Variants in GALNT13 observed in about 807,000 individuals in gnomAD.
GALNT13 encodes the protein polypeptide N-acetylgalactosaminyltransferase 13.
Under a neutral mutation model 64.2 loss-of-function variants are expected in GALNT13, and 28 were observed. The ratio of observed to expected loss-of-function variants is 0.44; its 90% CI spans 0.32 to 0.60. The LOEUF is 0.60. Among genes scored for constraint, GALNT13 ranks in the 20% least tolerant of loss-of-function variants. GALNT13 has a pLI of 0.05. For missense variants in GALNT13, 577 were observed against 669.8 expected (o/e 0.86, Z 1.53); for synonymous variants, 214 against 224.6 (o/e 0.95, Z 0.42).
chr2:153,511,919 C>T, the GALNT13 span, among the ~76,000 whole-genome samples: 1 of 152,004 alleles, frequency 6.6e-6, no homozygotes, highest in African/African-American at 2.4e-5. Flanking sequence ...AGTCTGGAGT[C>T]CAGTGTCTGG....
the GALNT13 span, among the ~76,000 whole-genome samples, chr2:153,686,114 T>G: frequency 2.0e-4 from 30 of 152,210 alleles, no homozygotes; most frequent in African/African-American, 6.7e-4. Context: ...TAGGATTTCC[T>G]TGGCTGTTCG....
chr2:153,455,858 T>A, the GALNT13 span, among the ~76,000 whole-genome samples: 1 of 152,050 alleles, frequency 6.6e-6, no homozygotes, highest in African/African-American at 2.4e-5. Flanking sequence ...ATAAAAAAAA[T>A]GAGGTAGCAC....
chr2:153,732,929 A>G, the GALNT13 span, among the ~76,000 whole-genome samples: 1 of 152,138 alleles, frequency 6.6e-6, no homozygotes, highest in South Asian at 2.1e-4. Flanking sequence ...AAGACAGAGA[A>G]GAACCGCTTA....
intron 3 of GALNT13, among the ~76,000 whole-genome samples, chr2:154,094,262 G>A (rs1701965816): frequency 6.6e-6 from 1 of 151,870 alleles, no homozygotes; most frequent in Non-Finnish European, 1.5e-5. Context: ...AATGAGTAAA[G>A]CAATAGGTGC....
At chr2:153,411,807 T>G in the GALNT13 span, among the ~76,000 whole-genome samples, 4 of 152,290 alleles carry the variant, frequency 2.6e-5, no homozygotes, top group Admixed American at 2.6e-4. Flanking sequence ...AAAATTTTGC[T>G]ATAAAGAATT....
At chr2:153,187,954 C>T in the GALNT13 span, among the ~76,000 whole-genome samples, 1 of 151,868 alleles carries the variant, frequency 6.6e-6, no homozygotes, top group African/African-American at 2.4e-5. Flanking sequence ...TGTAATTTAC[C>T]ACATTAATAC....
At chr2:153,693,915 C>A in the GALNT13 span, among the ~76,000 whole-genome samples, 1 of 151,990 alleles carries the variant, frequency 6.6e-6, no homozygotes, top group Non-Finnish European at 1.5e-5. Context: ...GAGATCAAGA[C>A]CATCCTGGTG....
intron 8 of GALNT13, chr2:154,287,117 T>C (rs894181922): frequency 1.7e-6 from 2 of 1,204,322 alleles, no homozygotes; most frequent in East Asian, 2.3e-5. Context: ...TGGCATGTCC[T>C]TGACACATCT....
the GALNT13 span, among the ~76,000 whole-genome samples, chr2:153,670,269 G>C: frequency 5.9e-5 from 9 of 152,250 alleles, no homozygotes; most frequent in Non-Finnish European, 1.2e-4. Flanking sequence ...TGTGTAGCCT[G>C]GCTGGGAGAC....
intron 2 of GALNT13, among the ~76,000 whole-genome samples, chr2:153,923,454 G>T (rs569691865): frequency 6.6e-6 from 1 of 151,968 alleles, no homozygotes; most frequent in Non-Finnish European, 1.5e-5. Context: ...ACTCTACCTT[G>T]CTTACTTTTA....
chr2:153,910,608 G>T (rs906489029), intron 2 of GALNT13, among the ~76,000 whole-genome samples: 1 of 152,220 alleles, frequency 6.6e-6, no homozygotes, highest in Non-Finnish European at 1.5e-5. Flanking sequence ...CGCCTTATCT[G>T]TGTCCCAGAG....
At chr2:154,259,447 T>C (rs1382265385) in intron 8 of GALNT13, among the ~76,000 whole-genome samples, 1 of 152,226 alleles carries the variant, frequency 6.6e-6, no homozygotes, top group African/African-American at 2.4e-5. Context: ...CTCTATAAAA[T>C]CACTTTGTGT....
At chr2:153,873,209 G>A (rs569268346) in intron 1 of GALNT13, among the ~76,000 whole-genome samples, 1 of 152,154 alleles carries the variant, frequency 6.6e-6, no homozygotes, top group Non-Finnish European at 1.5e-5. Context: ...TGCGGGGTCA[G>A]TGGGGACGCG....
chr2:153,703,212 A>G, the GALNT13 span, among the ~76,000 whole-genome samples: 1 of 152,154 alleles, frequency 6.6e-6, no homozygotes. Context: ...TTCTCCATAC[A>G]CATTTAATCT....
chr2:153,342,678 C>T, the GALNT13 span, among the ~76,000 whole-genome samples: 97 of 152,284 alleles, frequency 6.4e-4, 1 homozygote, highest in African/African-American at 2.3e-3. Flanking sequence ...CCAATTTTCT[C>T]CCTCCTCTTC....
chr2:153,648,511 G>A, the GALNT13 span, among the ~76,000 whole-genome samples: 1 of 152,086 alleles, frequency 6.6e-6, no homozygotes. Context: ...TGTTGAATAG[G>A]AGTGGTGAGA....
At chr2:153,722,571 A>T in the GALNT13 span, among the ~76,000 whole-genome samples, 1 of 134,474 alleles carries the variant, frequency 7.4e-6, no homozygotes, top group Non-Finnish European at 1.7e-5. Flanking sequence ...CAAGACTAAT[A>T]AAGAAAAAAA....
the GALNT13 span, among the ~76,000 whole-genome samples, chr2:153,563,455 G>A: frequency 1.3e-5 from 2 of 152,008 alleles, no homozygotes; most frequent in African/African-American, 2.4e-5. Context: ...TTTATATGAG[G>A]TTTGGTCACA....
At chr2:153,879,353 C>A (rs1349385185) in intron 1 of GALNT13, among the ~76,000 whole-genome samples, 1 of 114,634 alleles carries the variant, frequency 8.7e-6, no homozygotes, top group African/African-American at 3.4e-5. Flanking sequence ...ATTAAAACTA[C>A]CTACGTGTGT....
Sources: allele counts gnomAD v4.1 joint callset (sites outside exome capture counted in the v4.1 genomes callset), GRCh38; gene constraint gnomAD v4.1.1; transcripts MANE v1.5; gene names NCBI Gene and HGNC (gene_info 2026-07-23, HGNC 2026-07-21).